Variants in PIN4 observed in about 807,000 individuals in gnomAD.
PIN4 encodes the protein peptidyl-prolyl cis-trans isomerase NIMA-interacting 4.
Under a neutral mutation model 8.3 loss-of-function variants are expected in PIN4, and 3 were observed. That is an observed-to-expected ratio of 0.36 (90% CI 0.16 to 0.93). The LOEUF is 0.93. PIN4 is among the 40% of genes least tolerant of loss of function. PIN4 has a pLI of 0.44. For missense variants in PIN4, 75 were observed against 100.6 expected (o/e 0.75, Z 1.09); for synonymous variants, 18 against 32.5 (o/e 0.55, Z 1.52).
At position 72,229,092 on chromosome X, in the gene PIN4, C is replaced by G. The variant is rs185289438; in HGVS notation, c.312+32188C>G. Among the ~76,000 whole-genome samples, 354 of 111,565 alleles carry G rather than the reference C, an allele frequency of 3.2e-3. 3 individuals carry two copies. The highest frequency in any genetic ancestry group is 0.01 in the African/African-American group (316 of 30,670). ...TCAAACCTATTACAACTCCCTGCAA[C>G]GCCTCAAGCCTCAAGACTCTCCCAT... On this transcript the variant is annotated intron_variant, in intron 3 of 3. Transcript: ENST00000423432.
chrX:72,206,056 T>G (rs1249879328), intron 3 of PIN4: 16 of 1,211,354 alleles, frequency 1.3e-5, no homozygotes, highest in Non-Finnish European at 1.8e-5. Context: ...ATTTTGACTT[T>G]CATTTGTTAT....
chrX:72,263,221 C>A, exon 4 of PIN4: 1 of 115,499 alleles, frequency 8.7e-6, no homozygotes, highest in Non-Finnish European at 1.8e-5. Flanking sequence ...CCCTCACCTT[C>A]CCAGAGGTTT....
chrX:72,243,800 A>G (rs940583726), intron 3 of PIN4, among the ~76,000 whole-genome samples: 1 of 111,984 alleles, frequency 8.9e-6, no homozygotes, highest in Non-Finnish European at 1.9e-5. Flanking sequence ...TGTTCTAAGG[A>G]CTTTACATGC....
intron 2 of PIN4, among the ~76,000 whole-genome samples, chrX:72,190,952 CA>C (rs764925791): frequency 0.038 from 2,301 of 60,956 alleles, 91 homozygotes; most frequent in African/African-American, 0.12. Flanking sequence ...GACTCCATCT[CA>C]AAAAAAAAAA....
chrX:72,201,143 A>G, downstream of PIN4, among the ~76,000 whole-genome samples: 1 of 111,112 alleles, frequency 9.0e-6, no homozygotes, highest in Non-Finnish European at 1.9e-5. Flanking sequence ...TTAAGGCTGC[A>G]GTGAGCCGTG....
At chrX:72,235,648 C>T (rs2043013394) in intron 3 of PIN4, among the ~76,000 whole-genome samples, 1 of 111,761 alleles carries the variant, frequency 8.9e-6, no homozygotes. Flanking sequence ...CCACCTTGGC[C>T]TCCCCAAGTG....
At chrX:72,263,102 T>C (rs967014535) in exon 4 of PIN4, 5 of 194,660 alleles carry the variant, frequency 2.6e-5, no homozygotes, top group Non-Finnish European at 3.7e-5. Flanking sequence ...GTGAACAAGA[T>C]GAGCCTTATG....
At chrX:72,205,611 T>C (rs370268517) in intron 3 of PIN4, 1 of 1,211,654 alleles carries the variant, frequency 8.3e-7, no homozygotes, top group Non-Finnish European at 1.1e-6. Flanking sequence ...CAGATGAGAA[T>C]TGAAAGAGAG....
chrX:72,238,492 A>C (rs950726964), intron 3 of PIN4, among the ~76,000 whole-genome samples: 3 of 111,935 alleles, frequency 2.7e-5, no homozygotes, highest in Admixed American at 9.5e-5. Context: ...GATTACAAAC[A>C]ATTTGGGGGC....
intron 3 of PIN4, 59 bp from the exon 4 acceptor site, chrX:72,197,309 C>T: frequency 9.3e-7 from 1 of 1,072,418 alleles, no homozygotes; most frequent in South Asian, 2.0e-5. Flanking sequence ...TCTCAAGCTA[C>T]AGTAGAACTG....
chrX:72,211,510 C>T (rs183773635), intron 3 of PIN4, among the ~76,000 whole-genome samples: 1 of 112,055 alleles, frequency 8.9e-6, no homozygotes, highest in Non-Finnish European at 1.9e-5. Flanking sequence ...GACATCTAAT[C>T]ACCTCCCACA....
At chrX:72,262,612 C>T (rs1167353702) in intron 3 of PIN4, 1 of 505,785 alleles carries the variant, frequency 2.0e-6, no homozygotes, top group Non-Finnish European at 3.3e-6. Context: ...CTTGTCAAGA[C>T]CCCATGCAGA....
intron 3 of PIN4, chrX:72,206,066 T>A (rs1174001109): frequency 8.3e-7 from 1 of 1,209,490 alleles, no homozygotes; most frequent in Non-Finnish European, 1.1e-6. Flanking sequence ...TCATTTGTTA[T>A]GGAAATAATG....
chrX:72,187,522 G>A (rs771368382), intron 2 of PIN4, among the ~76,000 whole-genome samples: 1 of 111,892 alleles, frequency 8.9e-6, no homozygotes, highest in Non-Finnish European at 1.9e-5. Context: ...AGATGGGCCA[G>A]GCACAATGGT....
intron 3 of PIN4, among the ~76,000 whole-genome samples, chrX:72,240,754 C>T (rs893504052): frequency 1.9e-5 from 2 of 104,563 alleles, no homozygotes; most frequent in East Asian, 3.1e-4. Flanking sequence ...GAGCTGAGAT[C>T]GTGCCATTGC....
At chrX:72,240,518 G>A (rs1206085581) in intron 3 of PIN4, among the ~76,000 whole-genome samples, 1 of 111,651 alleles carries the variant, frequency 9.0e-6, no homozygotes, top group Non-Finnish European at 1.9e-5. Context: ...TAAAAGGAAT[G>A]TTGGAGGCCG....
chrX:72,191,661 A>C (rs1211475170), intron 2 of PIN4, among the ~76,000 whole-genome samples: 1 of 112,361 alleles, frequency 8.9e-6, no homozygotes, highest in Non-Finnish European at 1.9e-5. Flanking sequence ...GGATTTAATG[A>C]GATAAGTACT....
intron 3 of PIN4, among the ~76,000 whole-genome samples, chrX:72,243,904 T>C (rs934018391): frequency 8.9e-6 from 1 of 112,413 alleles, no homozygotes; most frequent in African/African-American, 3.2e-5. Context: ...ACAGAAAGAT[T>C]GAATAACTTA....
At chrX:72,209,752 G>A (rs1324972510) in intron 3 of PIN4, among the ~76,000 whole-genome samples, 2 of 111,398 alleles carry the variant, frequency 1.8e-5, no homozygotes, top group Non-Finnish European at 3.8e-5. Flanking sequence ...CAGCAATACT[G>A]TCTTAAAGCA....
Sources: gnomAD v4.1 joint callset for allele counts (sites outside exome capture counted in the v4.1 genomes callset) on GRCh38, gnomAD v4.1.1 for gene constraint, MANE v1.5 for transcripts, NCBI Gene and HGNC (gene_info 2026-07-23, HGNC 2026-07-21) for gene names.